The following PDE10A variants were observed in gnomAD, a reference collection of about 807,000 sequenced individuals.
PDE10A encodes the protein phosphodiesterase 10A.
In PDE10A, 39 loss-of-function variants were observed where a neutral mutation model predicts 97.7. The ratio of observed to expected loss-of-function variants is 0.40; its 90% CI spans 0.31 to 0.52. The LOEUF (loss-of-function observed/expected upper bound fraction) is 0.52, where lower values mean the gene tolerates loss of function less well. Among genes scored for constraint, PDE10A ranks in the 20% least tolerant of loss-of-function variants. PDE10A has a pLI of 0.56. For missense variants in PDE10A, 731 were observed against 1,047.8 expected (o/e 0.70, Z 4.17); for synonymous variants, 371 against 376.8 (o/e 0.98, Z 0.18).
intron 3 of PDE10A, among the ~76,000 whole-genome samples, chr6:165,452,281 C>T (rs2128250978): frequency 6.6e-6 from 1 of 152,322 alleles, no homozygotes; most frequent in East Asian, 1.9e-4. Flanking sequence ...GTATTGTCAG[C>T]ACAACCAACA....
intron 1 of PDE10A, among the ~76,000 whole-genome samples, chr6:165,595,106 C>A (rs1470109089): frequency 1.3e-5 from 2 of 152,204 alleles, no homozygotes; most frequent in African/African-American, 4.8e-5. Flanking sequence ...CAATCCCAGC[C>A]ATCACTGGGT....
chr6:165,409,638 A>C (rs1477588709), intron 13 of PDE10A: 1 of 155,906 alleles, frequency 6.4e-6, no homozygotes, highest in Non-Finnish European at 1.4e-5. Flanking sequence ...CCTGGTTAGT[A>C]CTTGGATGGG....
At chr6:165,666,484 T>TATCA (rs1444236256), upstream of PDE10A, among the ~76,000 whole-genome samples, 4 of 152,250 alleles carry the variant, frequency 2.6e-5, no homozygotes, top group African/African-American at 9.6e-5. Context: ...GCGTTTTACA[T>TATCA]ATCAGACTTT....
intron 1 of PDE10A, among the ~76,000 whole-genome samples, chr6:165,867,324 G>A (rs1781084396): frequency 6.7e-6 from 1 of 149,528 alleles, no homozygotes. Flanking sequence ...TGGAGGGATG[G>A]AAAAAAAAAA....
intron 18 of PDE10A, among the ~76,000 whole-genome samples, chr6:165,371,317 A>C (rs1431295175): frequency 6.6e-6 from 1 of 152,154 alleles, no homozygotes; most frequent in Non-Finnish European, 1.5e-5. Context: ...GATCAACAAA[A>C]TTGATAGACT....
At chr6:165,622,658 GCA>G (rs144569587) in intron 1 of PDE10A, among the ~76,000 whole-genome samples, 1 of 151,880 alleles carries the variant, frequency 6.6e-6, no homozygotes, top group African/African-American at 2.4e-5. Flanking sequence ...ATGTAGACAT[GCA>G]CACACACACA....
intron 1 of PDE10A, among the ~76,000 whole-genome samples, chr6:165,920,100 G>A (rs1782714422): frequency 6.6e-6 from 1 of 152,132 alleles, no homozygotes; most frequent in Non-Finnish European, 1.5e-5. Flanking sequence ...ACACTTATCT[G>A]GTTACAAATT....
At chr6:165,499,456 G>C (rs567719259) in intron 2 of PDE10A, among the ~76,000 whole-genome samples, 3 of 152,280 alleles carry the variant, frequency 2.0e-5, no homozygotes, top group African/African-American at 7.2e-5. Flanking sequence ...AAAATGAATA[G>C]TCCACAATGT....
rs79799267 is a variant in PDE10A, at chr6:165,735,025, T to G, written c.-614-191457A>C. On this transcript the variant is annotated intron_variant, in intron 1 of 19. Coordinates refer to the PDE10A transcript ENST00000366882. ...GGTAGGTAGGTAGATAGGTAGGTAGTTAGGTAGGTAGATAGATAATAGGGA... is the reference window on the plus strand; with the variant it reads ...GGTAGGTAGGTAGATAGGTAGGTAGGTAGGTAGGTAGATAGATAATAGGGA... Among the ~76,000 whole-genome samples the G allele has an allele frequency of 2.5e-3, 317 of 128,330 alleles. 1 individual carries two copies. Among genetic ancestry groups the G allele is most frequent in the African/African-American group, 0.012 (292 of 24,746 alleles). The allele number at this position is 128,330 out of a possible 152,430, so 84.2% of individuals were successfully genotyped here.
intron 5 of PDE10A, among the ~76,000 whole-genome samples, chr6:165,437,990 G>A (rs1043399123): frequency 6.6e-6 from 1 of 152,132 alleles, no homozygotes; most frequent in Non-Finnish European, 1.5e-5. Context: ...GTAGCTACCT[G>A]TTATAAATAT....
chr6:165,732,961 G>T, intron 1 of PDE10A, among the ~76,000 whole-genome samples: 1 of 152,222 alleles, frequency 6.6e-6, no homozygotes, highest in East Asian at 1.9e-4. Context: ...TGGCTCTCAG[G>T]TCCCTGGTTC....
At chr6:165,981,416 A>G (rs1345715871) in intron 1 of PDE10A, among the ~76,000 whole-genome samples, 1 of 152,220 alleles carries the variant, frequency 6.6e-6, no homozygotes, top group African/African-American at 2.4e-5. Flanking sequence ...AGTCACAGAA[A>G]TTGGACCACC....
intron 1 of PDE10A, among the ~76,000 whole-genome samples, chr6:165,646,381 C>T (rs1789398881): frequency 6.6e-6 from 1 of 152,184 alleles, no homozygotes; most frequent in Non-Finnish European, 1.5e-5. Context: ...TGACCTAAAA[C>T]AAGCCTGCAA....
intron 1 of PDE10A, among the ~76,000 whole-genome samples, chr6:165,838,981 G>A (rs894693578): frequency 6.6e-6 from 1 of 152,214 alleles, no homozygotes; most frequent in Non-Finnish European, 1.5e-5. Context: ...ACCGTGACTG[G>A]TGTATGGAAT....
At chr6:165,894,253 A>G (rs1312033897) in intron 1 of PDE10A, 1 of 455,158 alleles carries the variant, frequency 2.2e-6, no homozygotes, top group African/African-American at 2.0e-5. Context: ...ACATGGTGGC[A>G]GGTTTTTCAG....
intron 2 of PDE10A, among the ~76,000 whole-genome samples, chr6:165,528,755 G>A (rs889877956): frequency 6.6e-6 from 1 of 152,136 alleles, no homozygotes; most frequent in Non-Finnish European, 1.5e-5. Context: ...GGAATTCACT[G>A]GTCTTACCAT....
chr6:165,518,199 A>T (rs1480988858), intron 2 of PDE10A, among the ~76,000 whole-genome samples: 1 of 152,218 alleles, frequency 6.6e-6, no homozygotes, highest in African/African-American at 2.4e-5. Context: ...TTAATTAAGG[A>T]CATTAAATAG....
chr6:165,674,631 A>G (rs1480447709), intron 1 of PDE10A, among the ~76,000 whole-genome samples: 2 of 152,196 alleles, frequency 1.3e-5, no homozygotes, highest in African/African-American at 4.8e-5. Context: ...CTAACTCACT[A>G]TTCCTAAGGG....
intron 1 of PDE10A, among the ~76,000 whole-genome samples, chr6:165,843,058 G>A (rs958076743): frequency 6.6e-6 from 1 of 152,204 alleles, no homozygotes; most frequent in African/African-American, 2.4e-5. Context: ...AATACACTGT[G>A]AGGCCCCGCT....
Sources: gnomAD v4.1 joint callset for allele counts (sites outside exome capture counted in the v4.1 genomes callset) on GRCh38, gnomAD v4.1.1 for gene constraint, MANE v1.5 for transcripts, NCBI Gene and HGNC (gene_info 2026-07-23, HGNC 2026-07-21) for gene names.